RASEF: variants seen among roughly 807,000 people sequenced by gnomAD.
The protein encoded by RASEF is RAS and EF-hand domain containing.
Under a neutral mutation model 90.1 loss-of-function variants are expected in RASEF, and 68 were observed. The observed-to-expected ratio is 0.75, with a 90% confidence interval of 0.62 to 0.92. The LOEUF (loss-of-function observed/expected upper bound fraction) is 0.92. Ranked by LOEUF, RASEF falls within the 40% of genes least tolerant of loss-of-function variation. The probability of loss-of-function intolerance (pLI) is 0.00; values close to 1 mark genes in which losing one functional copy is unlikely to be tolerated. For synonymous variants in RASEF, 331 were observed against 345.2 expected (o/e 0.96, Z 0.46); for missense variants, 949 against 937.2 (o/e 1.01, Z -0.16).
the RASEF span, among the ~76,000 whole-genome samples, chr9:83,082,281 CTAAT>C: frequency 6.6e-6 from 1 of 152,118 alleles, no homozygotes; most frequent in Non-Finnish European, 1.5e-5. Context: ...AGATAATTTC[CTAAT>C]TAGAGAATGA....
the RASEF span, among the ~76,000 whole-genome samples, chr9:83,205,523 A>G: frequency 2.0e-5 from 3 of 152,080 alleles, no homozygotes; most frequent in East Asian, 5.8e-4. Flanking sequence ...ACTCCTAGCC[A>G]TCCTTCAAAC....
the RASEF span, among the ~76,000 whole-genome samples, chr9:83,118,672 C>A: frequency 1.3e-5 from 2 of 152,064 alleles, no homozygotes; most frequent in African/African-American, 4.8e-5. Context: ...ATCATCACCA[C>A]CAAGTTACTA....
chr9:83,193,151 CTG>C, the RASEF span, among the ~76,000 whole-genome samples: 1 of 152,222 alleles, frequency 6.6e-6, no homozygotes, highest in African/African-American at 2.4e-5. Flanking sequence ...CACCATCAGA[CTG>C]AGCTCCCACA....
At chr9:83,070,338 T>C in the RASEF span, among the ~76,000 whole-genome samples, 1 of 152,146 alleles carries the variant, frequency 6.6e-6, no homozygotes. Context: ...CACTTTTCTC[T>C]GTATGGATAT....
chr9:83,163,484 C>A, the RASEF span, among the ~76,000 whole-genome samples: 1 of 152,224 alleles, frequency 6.6e-6, no homozygotes, highest in Non-Finnish European at 1.5e-5. Flanking sequence ...ATAAAGTAGA[C>A]AGCATGCAAG....
intron 12 of RASEF, among the ~76,000 whole-genome samples, chr9:82,998,847 T>C (rs1587482591): frequency 6.6e-6 from 1 of 152,234 alleles, no homozygotes; most frequent in East Asian, 1.9e-4. Flanking sequence ...ATACGTGTTT[T>C]GTGTATATGC....
chr9:83,010,563 G>A (rs1466359735), intron 5 of RASEF, among the ~76,000 whole-genome samples: 1 of 152,110 alleles, frequency 6.6e-6, no homozygotes, highest in Admixed American at 6.5e-5. Flanking sequence ...ACCAGATATG[G>A]GGTTGGAAAG....
At chr9:83,137,806 A>C in the RASEF span, among the ~76,000 whole-genome samples, 1 of 151,126 alleles carries the variant, frequency 6.6e-6, no homozygotes, top group South Asian at 2.1e-4. Context: ...AAAAAAAAAA[A>C]TGAATAGAAA....
the RASEF span, among the ~76,000 whole-genome samples, chr9:83,196,606 T>C: frequency 1.3e-5 from 2 of 152,166 alleles, no homozygotes; most frequent in East Asian, 3.9e-4. Context: ...AAACATAATA[T>C]TAAAACCTAT....
the RASEF span, among the ~76,000 whole-genome samples, chr9:83,110,653 G>A: frequency 6.6e-5 from 10 of 152,082 alleles, no homozygotes; most frequent in East Asian, 1.9e-4. Context: ...ATTCTTCAGC[G>A]AAAGAATAAA....
At chr9:82,985,192 G>C (rs1424746932) in intron 16 of RASEF, among the ~76,000 whole-genome samples, 1 of 152,130 alleles carries the variant, frequency 6.6e-6, no homozygotes, top group African/African-American at 2.4e-5. Flanking sequence ...CTCAAAAGTG[G>C]GAACGAAAAG....
chr9:83,136,362 G>A, the RASEF span, among the ~76,000 whole-genome samples: 1 of 152,068 alleles, frequency 6.6e-6, no homozygotes, highest in African/African-American at 2.4e-5. Flanking sequence ...TGCAAATAAA[G>A]TTAGATTGAA....
chr9:83,039,796 G>A (rs947022041), intron 1 of RASEF, among the ~76,000 whole-genome samples: 1 of 152,076 alleles, frequency 6.6e-6, no homozygotes, highest in African/African-American at 2.4e-5. Flanking sequence ...TGCTAAGAAA[G>A]CTGAAAATAA....
chr9:83,049,124 CAAAAAA>C, intron 1 of RASEF: 1 of 81,168 alleles, frequency 1.2e-5, no homozygotes, highest in Non-Finnish European at 2.3e-5. Flanking sequence ...ACTCCGTCTC[CAAAAAA>C]AAAAAAAAAA....
intron 1 of RASEF, 57 bp downstream of exon 1, chr9:83,062,380 G>T: frequency 6.4e-7 from 1 of 1,569,796 alleles, no homozygotes. Flanking sequence ...CAAGTAAGTG[G>T]GAAGAAGCAA....
the RASEF span, among the ~76,000 whole-genome samples, chr9:83,133,355 G>A: frequency 6.6e-6 from 1 of 152,096 alleles, no homozygotes. Flanking sequence ...GAAAAATTTA[G>A]AAATAGTTCA....
chr9:83,095,097 G>C, the RASEF span, among the ~76,000 whole-genome samples: 4 of 152,156 alleles, frequency 2.6e-5, no homozygotes, highest in Non-Finnish European at 5.9e-5. Context: ...ATGCTACCTG[G>C]GGAGGAAGAA....
At chr9:83,081,741 C>T in the RASEF span, among the ~76,000 whole-genome samples, 5 of 152,060 alleles carry the variant, frequency 3.3e-5, no homozygotes, top group Non-Finnish European at 4.4e-5. Context: ...ACCATTGCTC[C>T]GAGAGTTTTA....
At chr9:83,079,444 T>C in the RASEF span, among the ~76,000 whole-genome samples, 2 of 152,198 alleles carry the variant, frequency 1.3e-5, no homozygotes, top group Admixed American at 1.3e-4. Context: ...TTGGTCACTG[T>C]AGCCTTGTAG....
Sources: gnomAD v4.1 joint callset for allele counts (sites outside exome capture counted in the v4.1 genomes callset) on GRCh38, gnomAD v4.1.1 for gene constraint, MANE v1.5 for transcripts, NCBI Gene and HGNC (gene_info 2026-07-23, HGNC 2026-07-21) for gene names.